SH3PXD2A: variants seen among roughly 807,000 people sequenced by gnomAD.
SH3PXD2A encodes SH3 and PX domains 2A.
A neutral mutation model predicts 115.2 loss-of-function variants in SH3PXD2A; 32 were observed. That is an observed-to-expected ratio of 0.28 (90% CI 0.21 to 0.37). The LOEUF is 0.37. Ranked by LOEUF, SH3PXD2A falls within the 10% of genes least tolerant of loss-of-function variation. The pLI is 1.00. For synonymous variants in SH3PXD2A, 610 were observed against 629.1 expected, an observed-to-expected ratio of 0.97 and a Z score of 0.45; for missense variants, 1,328 against 1,498.7, an observed-to-expected ratio of 0.89 and a Z score of 1.88.
intron 1 of SH3PXD2A, among the ~76,000 whole-genome samples, chr10:103,834,362 A>C (rs2134307843): frequency 6.6e-6 from 1 of 152,358 alleles, no homozygotes; most frequent in African/African-American, 2.4e-5. Flanking sequence ...TGACTCCATT[A>C]TATGAAATGT....
chr10:103,676,212 G>A (rs2134094358), intron 6 of SH3PXD2A, among the ~76,000 whole-genome samples: 1 of 152,324 alleles, frequency 6.6e-6, no homozygotes, highest in African/African-American at 2.4e-5. Flanking sequence ...CTTTATTTCT[G>A]CTGCTTTTCG....
At chr10:103,853,138 G>A (rs1047894822) in intron 1 of SH3PXD2A, among the ~76,000 whole-genome samples, 54 of 152,158 alleles carry the variant, frequency 3.5e-4, no homozygotes, top group African/African-American at 1.3e-3. Context: ...ATTCTTACTC[G>A]GGAAGCGGAG....
chr10:103,810,800 T>C (rs1237550392), intron 1 of SH3PXD2A, among the ~76,000 whole-genome samples: 1 of 151,158 alleles, frequency 6.6e-6, no homozygotes, highest in Middle Eastern at 3.2e-3. Context: ...GAGCAGGAAG[T>C]AGGGCACAGG....
rs1008430250 is a variant in SH3PXD2A at position 103,661,863 on chromosome 10, C to T, written c.473-749G>A. 7.1e-6 allele frequency: 7 copies of T among 985,092 alleles called. No homozygotes were observed. In the South Asian group the frequency reaches 2.8e-4, roughly 40 times the overall value. 61.0% of individuals were successfully genotyped at this position (985,092 alleles called of 1,614,324 possible). ...GAGGCCTAGACTGTTTACTTGAAAC[C>T]CAAGAAGAAAGTCCCCGCGCCAGCG... is the stretch of plus-strand genomic sequence containing the variant. On this transcript the variant is annotated intron_variant, in intron 7 of 14. Coordinates refer to ENST00000369774, the MANE Select transcript of SH3PXD2A (RefSeq NM_001394015.1).
intron 1 of SH3PXD2A, among the ~76,000 whole-genome samples, chr10:103,841,188 C>CTGATCCAGGACGCACCA (rs2039594319): frequency 6.6e-6 from 1 of 152,172 alleles, no homozygotes; most frequent in African/African-American, 2.4e-5. Flanking sequence ...ATTTATCACA[C>CTGATCCAGGACGCACCA]TGATCCAGGA....
Position 103,784,121 on chromosome 10 carries a change from C to A in SH3PXD2A, c.154-16952G>T, listed in dbSNP as rs1209847119. 6.6e-6 allele frequency among the ~76,000 whole-genome samples: 1 copy of A among 152,248 alleles called. No individual in the cohort carries two copies. The highest frequency in any genetic ancestry group is 1.9e-4 in the East Asian group (1 of 5,204). Reference sequence around the variant, plus strand: ...CCTTTCAAACAGGGGAGCTGCCCACCTGGAATGAGATGCAGGAGGAGGAGG... The same window carrying A: ...CCTTTCAAACAGGGGAGCTGCCCACATGGAATGAGATGCAGGAGGAGGAGG... On this transcript the variant is annotated intron_variant, in intron 2 of 14. Coordinates refer to ENST00000369774, the MANE Select transcript of SH3PXD2A (RefSeq NM_001394015.1). The surrounding 1 kb of genome is among the most constrained non-coding windows in gnomAD (Gnocchi z 4.4).
At position 103,661,723 on chromosome 10, in the gene SH3PXD2A, G is replaced by A. The variant is rs770977800; in HGVS notation, c.473-609C>T. On this transcript the variant is annotated intron_variant, in intron 7 of 14. Coordinates refer to ENST00000369774, the MANE Select transcript of SH3PXD2A (RefSeq NM_001394015.1). ...GCTTCTCCACGGCCCAGGCCCAGGC[G>A]AGGAGTCAAGAGGGTTTGAGGCCGC... 1.8e-5 allele frequency: 18 copies of A among 985,232 alleles called. No homozygotes were observed. In the South Asian group the frequency reaches 2.3e-4, roughly 13 times the overall value. 61.0% of individuals were successfully genotyped at this position (985,232 alleles called of 1,614,324 possible).
intron 8 of SH3PXD2A, among the ~76,000 whole-genome samples, chr10:103,644,288 GA>G: frequency 6.7e-6 from 1 of 150,330 alleles, no homozygotes; most frequent in South Asian, 2.1e-4. Context: ...AAAATGCTTT[GA>G]AAAGGATAGG....
At chr10:103,720,680 G>A (rs1250054120) in intron 5 of SH3PXD2A, among the ~76,000 whole-genome samples, 2 of 152,250 alleles carry the variant, frequency 1.3e-5, no homozygotes, top group East Asian at 1.9e-4. Context: ...ACTCGATCCC[G>A]TGTTTATGTT....
chr10:103,738,795 C>CTT (rs763927827), intron 3 of SH3PXD2A, among the ~76,000 whole-genome samples: 3 of 146,516 alleles, frequency 2.0e-5, no homozygotes, highest in African/African-American at 2.5e-5. Flanking sequence ...ACAGAACTCT[C>CTT]TTTTTTTTTT....
chr10:103,748,292 T>C (rs1291647350), intron 3 of SH3PXD2A, among the ~76,000 whole-genome samples: 1 of 152,126 alleles, frequency 6.6e-6, no homozygotes, highest in Non-Finnish European at 1.5e-5. Flanking sequence ...GGAGCTGGGA[T>C]TGGGTGTGCC....
chr10:103,776,425 CGTGTGTGTGTCT>C (rs1239731836), intron 2 of SH3PXD2A, among the ~76,000 whole-genome samples: 198 of 112,040 alleles, frequency 1.8e-3, no homozygotes, highest in Middle Eastern at 4.3e-3. Context: ...TGTGTGCATG[CGTGTGTGTGTCT>C]GTGTGTGTGT....
intron 1 of SH3PXD2A, among the ~76,000 whole-genome samples, chr10:103,835,762 C>T (rs920740219): frequency 6.6e-6 from 1 of 152,156 alleles, no homozygotes; most frequent in African/African-American, 2.4e-5. Context: ...TGAAGCAGGT[C>T]CTCACAGCAC....
In SH3PXD2A at chr10:103,597,636, A is replaced by C. The variant is rs1434076102; in HGVS notation, c.*4180T>G. On this transcript the variant is annotated 3_prime_UTR_variant, in exon 15 of 15. Coordinates refer to ENST00000369774, the MANE Select transcript of SH3PXD2A (RefSeq NM_001394015.1). The stretch of plus-strand genomic sequence containing the variant: ...AAGATCAAACTCCACCAACCCACCC[A>C]CCTGTTCCACAGCTAGGATTCCTTC... 2 of 152,282 alleles carry C rather than the reference A, an allele frequency of 1.3e-5. No homozygotes were observed. Among genetic ancestry groups the C allele is most frequent in the Non-Finnish European group, 2.9e-5 (2 of 67,962 alleles). 9.4% of individuals were successfully genotyped at this position (152,282 alleles called of 1,614,324 possible).
chr10:103,655,493 C>T (rs890026881), intron 8 of SH3PXD2A, among the ~76,000 whole-genome samples: 1 of 152,094 alleles, frequency 6.6e-6, no homozygotes, highest in African/African-American at 2.4e-5. Context: ...ACAATGCAGG[C>T]TGGGCATGAT....
chr10:103,741,594 C>T (rs566100356), intron 3 of SH3PXD2A, among the ~76,000 whole-genome samples: 6 of 152,344 alleles, frequency 3.9e-5, no homozygotes, highest in African/African-American at 1.4e-4. Flanking sequence ...CCACCCTGGC[C>T]TCCAGGGATA....
At chr10:103,729,085 G>A (rs1046169239) in intron 4 of SH3PXD2A, among the ~76,000 whole-genome samples, 6 of 152,012 alleles carry the variant, frequency 3.9e-5, no homozygotes, top group African/African-American at 7.2e-5. Flanking sequence ...TAGTAGAGAC[G>A]GGGTTTCACC....
At chr10:103,686,335 C>T (rs1051889996) in intron 6 of SH3PXD2A, among the ~76,000 whole-genome samples, 2 of 152,206 alleles carry the variant, frequency 1.3e-5, no homozygotes, top group Admixed American at 6.5e-5. Flanking sequence ...CCCGAGGCTC[C>T]GTGGCCACCT....
intron 3 of SH3PXD2A, among the ~76,000 whole-genome samples, chr10:103,738,608 C>G (rs1247010727): frequency 6.6e-6 from 1 of 152,164 alleles, no homozygotes; most frequent in Non-Finnish European, 1.5e-5. Context: ...GCCCACAAAC[C>G]TGCATGGAGC....
Sources: gnomAD v4.1 joint callset for allele counts (sites outside exome capture counted in the v4.1 genomes callset) on GRCh38, gnomAD v4.1.1 for gene constraint, Gnocchi (gnomAD v3.1) non-coding constraint, MANE v1.5 for transcripts, NCBI Gene and HGNC (gene_info 2026-07-23, HGNC 2026-07-21) for gene names.